Variants in SCLT1 observed in about 807,000 individuals in gnomAD.
The protein encoded by SCLT1 is sodium channel and clathrin linker 1.
SCLT1 carries 78 observed loss-of-function variants against 112.8 expected under a neutral mutation model. The observed-to-expected ratio is 0.69, with a 90% CI of 0.58 to 0.83. The LOEUF is 0.83. Ranked by LOEUF, SCLT1 falls within the 40% of genes least tolerant of loss-of-function variation. The pLI is 0.00. For synonymous variants in SCLT1, 257 were observed against 254.7 expected (o/e 1.01, Z -0.09); for missense variants, 747 against 770.4 (o/e 0.97, Z 0.36).
chr4:128,959,840 T>C, intron 11 of SCLT1, 63 bp from the exon 12 acceptor site: 1 of 1,265,520 alleles, frequency 7.9e-7, no homozygotes, highest in Non-Finnish European at 1.1e-6. Context: ...GGAGATTTAC[T>C]GAGCATCTAC....
At chr4:128,885,589 T>C (rs1181446404) in intron 20 of SCLT1, among the ~76,000 whole-genome samples, 2 of 152,202 alleles carry the variant, frequency 1.3e-5, no homozygotes, top group African/African-American at 4.8e-5. Flanking sequence ...TGTTGGGTAT[T>C]TGTATGGTTT....
At chr4:128,878,130 C>T (rs1330528118) in intron 3 of SCLT1, among the ~76,000 whole-genome samples, 1 of 152,088 alleles carries the variant, frequency 6.6e-6, no homozygotes, top group Non-Finnish European at 1.5e-5. Flanking sequence ...CGTAAAACCT[C>T]CAAGTCGGCA....
At chr4:129,062,965 C>T (rs1185727515) in intron 2 of SCLT1, among the ~76,000 whole-genome samples, 1 of 152,180 alleles carries the variant, frequency 6.6e-6, no homozygotes, top group African/African-American at 2.4e-5. Flanking sequence ...TTTCTTTAAG[C>T]TTTGTGCTTC....
chr4:129,079,233 C>T (rs1161940880), intron 2 of SCLT1, among the ~76,000 whole-genome samples: 1 of 152,076 alleles, frequency 6.6e-6, no homozygotes. Flanking sequence ...CTCAACAGTC[C>T]CCCAAGTCTT....
At chr4:128,875,807 G>A (rs549843984) in intron 4 of SCLT1, among the ~76,000 whole-genome samples, 20 of 152,138 alleles carry the variant, frequency 1.3e-4, no homozygotes, top group Non-Finnish European at 2.4e-4. Context: ...TGAATGATGG[G>A]ACGGTTGTAT....
intron 18 of SCLT1, among the ~76,000 whole-genome samples, chr4:128,935,411 G>T (rs1737102776): frequency 6.6e-6 from 1 of 151,962 alleles, no homozygotes; most frequent in Non-Finnish European, 1.5e-5. Flanking sequence ...ATGAATAACA[G>T]ATTTTTATAA....
chr4:129,068,823 G>A (rs1056933551), intron 2 of SCLT1, among the ~76,000 whole-genome samples: 8 of 152,126 alleles, frequency 5.3e-5, no homozygotes, highest in Non-Finnish European at 7.4e-5. Context: ...TTTGCTTTTG[G>A]GTTCTTGGTC....
At chr4:128,985,421 T>C (rs891639792) in intron 9 of SCLT1, among the ~76,000 whole-genome samples, 2 of 152,258 alleles carry the variant, frequency 1.3e-5, no homozygotes, top group African/African-American at 2.4e-5. Flanking sequence ...CATTTTTACA[T>C]TGATTGCTGA....
At chr4:128,903,419 A>AATTT (rs1734473798) in intron 18 of SCLT1, among the ~76,000 whole-genome samples, 1 of 152,186 alleles carries the variant, frequency 6.6e-6, no homozygotes, top group African/African-American at 2.4e-5. Flanking sequence ...TTTATGGCTA[A>AATTT]ATTTCTAATT....
At chr4:128,918,678 C>G (rs915919120) in intron 18 of SCLT1, among the ~76,000 whole-genome samples, 6 of 152,006 alleles carry the variant, frequency 3.9e-5, no homozygotes, top group Non-Finnish European at 4.4e-5. Context: ...TGTATGTGAT[C>G]TACAAGGAAC....
chr4:128,909,546 C>A (rs767466676), intron 18 of SCLT1, among the ~76,000 whole-genome samples: 2 of 152,172 alleles, frequency 1.3e-5, no homozygotes, highest in Non-Finnish European at 2.9e-5. Context: ...CTGCACCCAG[C>A]CTCTAAACTT....
chr4:128,992,823 G>C (rs1742690669), intron 8 of SCLT1, among the ~76,000 whole-genome samples: 1 of 151,978 alleles, frequency 6.6e-6, no homozygotes, highest in South Asian at 2.1e-4. Flanking sequence ...CTGAAGGTCA[G>C]CTTCTGGAGA....
chr4:129,064,554 G>A (rs1332289001), intron 2 of SCLT1, among the ~76,000 whole-genome samples: 1 of 152,046 alleles, frequency 6.6e-6, no homozygotes, highest in African/African-American at 2.4e-5. Context: ...CTAGCTTTCA[G>A]CATTGTATTT....
intron 2 of SCLT1, among the ~76,000 whole-genome samples, chr4:129,056,551 C>T (rs757828502): frequency 6.6e-6 from 1 of 152,144 alleles, no homozygotes; most frequent in Non-Finnish European, 1.5e-5. Context: ...TCTTTCACCA[C>T]CTTGGTAAAT....
chr4:128,966,790 A>G (rs1261945280), intron 10 of SCLT1, among the ~76,000 whole-genome samples: 1 of 149,580 alleles, frequency 6.7e-6, no homozygotes, highest in Non-Finnish European at 1.5e-5. Context: ...AATTCTTAGT[A>G]TTTTTTTTCT....
chr4:129,026,281 A>G (rs1327423872), intron 5 of SCLT1, among the ~76,000 whole-genome samples: 1 of 152,188 alleles, frequency 6.6e-6, no homozygotes, highest in East Asian at 1.9e-4. Context: ...CTATTCCAAA[A>G]TTGACCACAT....
At chr4:129,067,373 A>G (rs1301205818) in intron 2 of SCLT1, among the ~76,000 whole-genome samples, 2 of 151,944 alleles carry the variant, frequency 1.3e-5, no homozygotes, top group Admixed American at 6.6e-5. Context: ...TGCAATATGA[A>G]TTAGGTAAAA....
intron 18 of SCLT1, among the ~76,000 whole-genome samples, chr4:128,928,820 G>A (rs1303887728): frequency 2.3e-5 from 3 of 130,776 alleles, no homozygotes; most frequent in African/African-American, 9.0e-5. Flanking sequence ...AAACAAGAGC[G>A]AAACTCCGTC....
chr4:128,894,967 C>T (rs1459975637), intron 18 of SCLT1, among the ~76,000 whole-genome samples: 4 of 152,134 alleles, frequency 2.6e-5, no homozygotes, highest in East Asian at 1.9e-4. Context: ...CATGAGCCAC[C>T]GTGCCCAGCT....
Sources: gnomAD v4.1 joint callset for allele counts (sites outside exome capture counted in the v4.1 genomes callset) on GRCh38, gnomAD v4.1.1 for gene constraint, MANE v1.5 for transcripts, NCBI Gene and HGNC (gene_info 2026-07-23, HGNC 2026-07-21) for gene names.